The following CPM variants were observed in gnomAD, a reference collection of about 807,000 sequenced individuals.
CPM encodes the protein renal carboxypeptidase.
In CPM, 35 loss-of-function variants were observed where a neutral mutation model predicts 46.4. The observed-to-expected ratio is 0.75, with a 90% CI of 0.58 to 1.00. CPM has a LOEUF of 1.00. Ranked by LOEUF, CPM falls within the 50% of genes least tolerant of loss-of-function variation. CPM has a pLI of 0.00. For synonymous variants in CPM, 195 were observed against 195.3 expected (o/e 1.00, Z 0.01); for missense variants, 422 against 530.4 (o/e 0.80, Z 2.01).
At chr12:68,885,939 G>A (rs935959287) in intron 2 of CPM, 50 bp from the exon 3 acceptor site, 1 of 1,515,032 alleles carries the variant, frequency 6.6e-7, no homozygotes, top group Non-Finnish European at 9.1e-7. Context: ...CTCTTAAAAT[G>A]ACAAATGAAC....
chr12:68,848,603 G>A (rs774771672), downstream of CPM: 1 of 152,212 alleles, frequency 6.6e-6, no homozygotes, highest in African/African-American at 2.4e-5. Context: ...TGGCTGAAAA[G>A]CCTTTTTAGA....
In CPM at chr12:68,902,853, G is replaced by A. The variant is rs191679354; in HGVS notation, c.161-16964C>T. Among the ~76,000 whole-genome samples, 343 of 152,254 alleles carry A rather than the reference G, an allele frequency of 2.3e-3. 4 individuals carry two copies. Among genetic ancestry groups the A allele is most frequent in the African/African-American group, 7.8e-3 (323 of 41,550 alleles). On this transcript the variant is annotated intron_variant, in intron 2 of 8. Coordinates refer to ENST00000551568, the MANE Select transcript of CPM (RefSeq NM_198320.5). ...TATTACTACCTCAGAGGCAACTGAT[G>A]TTTACCTTTTTTAGAATAAAGAACT...
At chr12:68,906,273 C>A (rs1887343792) in intron 2 of CPM, among the ~76,000 whole-genome samples, 1 of 152,136 alleles carries the variant, frequency 6.6e-6, no homozygotes. Flanking sequence ...TAAAAAACTG[C>A]AAACTCCTGG....
chr12:68,885,331 G>A (rs1886382020), intron 3 of CPM, among the ~76,000 whole-genome samples: 1 of 152,222 alleles, frequency 6.6e-6, no homozygotes. Context: ...TTAGATTTAA[G>A]AGAGAGTAAC....
chr12:68,887,954 T>C lies in CPM; in HGVS notation c.161-2065A>G, dbSNP rs76836530. Among the ~76,000 whole-genome samples the C allele has an allele frequency of 3.9e-5, 6 of 152,244 alleles. No individual in the cohort carries two copies. In the East Asian group the frequency reaches 1.2e-3, roughly 29 times the overall value. On this transcript the variant is annotated intron_variant, in intron 2 of 8. Transcript: ENST00000551568. ...CATCAGAAGCATTTGATTAACCAAT[T>C]TCATTAACCTTCCATTCCCCAACCC... is the stretch of plus-strand genomic sequence containing the variant.
At chr12:68,878,723 T>A (rs1406319180) in intron 3 of CPM, among the ~76,000 whole-genome samples, 1 of 152,204 alleles carries the variant, frequency 6.6e-6, no homozygotes, top group African/African-American at 2.4e-5. Context: ...TCTTTCTCTA[T>A]CGCAATTCCC....
chr12:68,870,244 G>C lies in CPM; in HGVS notation c.587C>G (p.Ala196Gly). ...SANLHGGALV[A>G]SYPFDNGVQA... ...AACACCATTATCAAATGGGTAACTG[G>C]CCACGAGGGCACCACCATGGAGGTT... is the stretch of plus-strand genomic sequence containing the variant. The change falls in exon 5 of 9, where the codon GCC becomes GGC. Residue 196 changes from alanine (A) to glycine (G), a missense_variant. By Grantham distance (60) the Ala-to-Gly change is moderately conservative (BLOSUM62 0). Coordinates refer to ENST00000551568, the MANE Select transcript of CPM (RefSeq NM_198320.5). 6.2e-7 allele frequency: 1 copy of C among 1,614,008 alleles called. No individual in the cohort carries two copies. The highest frequency in any genetic ancestry group is 8.5e-7 in the Non-Finnish European group (1 of 1,179,968).
chr12:68,956,141 G>A (rs1462215627), intron 1 of CPM, among the ~76,000 whole-genome samples: 1 of 152,198 alleles, frequency 6.6e-6, no homozygotes, highest in African/African-American at 2.4e-5. Flanking sequence ...AGGTGGCAGG[G>A]TGCTGGCATG....
At chr12:68,847,759 C>T (rs1884433742), downstream of CPM, 1 of 152,160 alleles carries the variant, frequency 6.6e-6, no homozygotes, top group Non-Finnish European at 1.5e-5. Flanking sequence ...AGCCGTATCT[C>T]CTTTCAAATG....
intron 2 of CPM, among the ~76,000 whole-genome samples, chr12:68,932,348 GGACT>G (rs1888545119): frequency 6.6e-6 from 1 of 152,116 alleles, no homozygotes; most frequent in Non-Finnish European, 1.5e-5. Context: ...ACGGATAAAC[GGACT>G]TACTTGGGAG....
intron 1 of CPM, among the ~76,000 whole-genome samples, chr12:68,959,829 A>G (rs1157311161): frequency 1.3e-5 from 2 of 152,248 alleles, no homozygotes; most frequent in Non-Finnish European, 2.9e-5. Context: ...GATCATGTTT[A>G]ATAAACAAGG....
At chr12:68,871,644 G>A in intron 4 of CPM, 140 bp downstream of exon 4, 1 of 918,900 alleles carries the variant, frequency 1.1e-6, no homozygotes, top group African/African-American at 1.6e-5. Context: ...TGTGCCTTGA[G>A]CTTTGGCACA....
chr12:68,938,503 TTA>T (rs1888707998), intron 1 of CPM, among the ~76,000 whole-genome samples: 1 of 152,148 alleles, frequency 6.6e-6, no homozygotes, highest in Non-Finnish European at 1.5e-5. Flanking sequence ...TATTTCTTTA[TTA>T]TACACAGCAC....
intron 1 of CPM, among the ~76,000 whole-genome samples, chr12:68,947,815 A>T (rs4363694): frequency 0.61 from 92,264 of 151,324 alleles, 28,458 homozygotes; most frequent in South Asian, 0.72. Flanking sequence ...CAGCTTTTTT[A>T]AAATTTTTTT....
chr12:68,945,299 T>A (rs1888828524), intron 1 of CPM, among the ~76,000 whole-genome samples: 1 of 152,178 alleles, frequency 6.6e-6, no homozygotes, highest in African/African-American at 2.4e-5. Flanking sequence ...CATGGTTAGC[T>A]CTTTGTGCCC....
chr12:68,843,003 C>T (rs757815373), intron 5 of CPM: 1 of 212,882 alleles, frequency 4.7e-6, no homozygotes, highest in Non-Finnish European at 9.5e-6. Context: ...TCTAACTTGT[C>T]ATTCCTGGTA....
At chr12:68,910,943 G>C (rs1443827884) in intron 2 of CPM, among the ~76,000 whole-genome samples, 4 of 151,990 alleles carry the variant, frequency 2.6e-5, no homozygotes, top group African/African-American at 9.7e-5. Flanking sequence ...AAGACACGGA[G>C]GAATTTCCCA....
At chr12:68,931,482 T>C (rs1182793349) in intron 2 of CPM, among the ~76,000 whole-genome samples, 1 of 152,062 alleles carries the variant, frequency 6.6e-6, no homozygotes, top group Admixed American at 6.6e-5. Flanking sequence ...CGGTGGCTCA[T>C]ACCTGTAATC....
At chr12:68,894,485 G>A (rs879884482) in intron 2 of CPM, among the ~76,000 whole-genome samples, 15 of 152,030 alleles carry the variant, frequency 9.9e-5, no homozygotes, top group Non-Finnish European at 2.1e-4. Context: ...ACACAAATGC[G>A]CCCACAGGAG....
Sources: allele counts gnomAD v4.1 joint callset (sites outside exome capture counted in the v4.1 genomes callset), GRCh38; gene constraint gnomAD v4.1.1; transcripts MANE v1.5; gene names NCBI Gene and HGNC (gene_info 2026-07-23, HGNC 2026-07-21).